The following PIKFYVE variants were observed in gnomAD, a reference collection of about 807,000 sequenced individuals.
PIKFYVE encodes phosphoinositide kinase, FYVE-type zinc finger containing, also known as 1-phosphatidylinositol 3-phosphate 5-kinase.
Under a neutral mutation model 257.9 loss-of-function variants are expected in PIKFYVE, and 122 were observed. That is an observed-to-expected ratio of 0.47 (90% CI 0.41 to 0.55). The LOEUF is 0.55. Among genes scored for constraint, PIKFYVE ranks in the 20% least tolerant of loss-of-function variants. The probability of loss-of-function intolerance (pLI) is 0.00; values close to 1 mark genes in which losing one functional copy is unlikely to be tolerated. For missense variants in PIKFYVE, 2,160 were observed against 2,536.6 expected (o/e 0.85, Z 3.19); for synonymous variants, 892 against 868.9 (o/e 1.03, Z -0.47).
At position 208,345,189 on chromosome 2, in the gene PIKFYVE, A is replaced by T. The variant is rs1195553651; in HGVS notation, c.5106A>T (p.Thr1702=). 1 of 1,604,644 alleles carries T rather than the reference A, an allele frequency of 6.2e-7. No homozygotes were observed. The highest frequency in any genetic ancestry group is 8.5e-7 in the Non-Finnish European group (1 of 1,171,576). ...QWNSAEEGLP[T]NSTSDSRPKS... is the part of the protein sequence containing the mutation. Reference sequence around the variant, plus strand: ...ACAGTGCCGAAGAAGGGCTTCCAACAAATAGGTGATTCATGATTGAGTAGA... The same window carrying T: ...ACAGTGCCGAAGAAGGGCTTCCAACTAATAGGTGATTCATGATTGAGTAGA... The change falls in exon 33 of 42, where the codon ACA becomes ACT. Residue 1702 remains threonine (T), a synonymous_variant. Transcript: ENST00000264380.
chr2:208,335,778 T>A lies in PIKFYVE; in HGVS notation c.4257-15T>A. 3.2e-6 allele frequency: 5 copies of A among 1,579,676 alleles called. No homozygotes were observed. Among genetic ancestry groups the A allele is most frequent in the Non-Finnish European group, 4.4e-6 (5 of 1,149,200 alleles). On this transcript the variant is annotated splice_polypyrimidine_tract_variant and intron_variant, in intron 25 of 41. Coordinates refer to ENST00000264380, the MANE Select transcript of PIKFYVE (RefSeq NM_015040.4). ...TCACCCTTTCTAAAGTGTTTAATGC[T>A]CTCGCTATTGTTAGAGTTTCACAGG...
At chr2:208,348,634 G>GTGTGTGTA (rs1483606740) in intron 35 of PIKFYVE, among the ~76,000 whole-genome samples, 1 of 150,938 alleles carries the variant, frequency 6.6e-6, no homozygotes, top group African/African-American at 2.4e-5. Context: ...GTGTGTGTGT[G>GTGTGTGTA]TGTATCTACC....
intron 24 of PIKFYVE, among the ~76,000 whole-genome samples, chr2:208,334,937 A>G (rs1199596938): frequency 6.6e-6 from 1 of 152,142 alleles, no homozygotes; most frequent in Non-Finnish European, 1.5e-5. Context: ...AAGGAAACCA[A>G]AGACTCATGA....
rs754127355 is a variant in PIKFYVE, at chr2:208,314,401, A to G, written c.1804A>G (p.Lys602Glu). 18 of 1,613,896 alleles carry G rather than the reference A, an allele frequency of 1.1e-5. No homozygotes were observed. Among genetic ancestry groups the G allele is most frequent in the Non-Finnish European group, 1.5e-5 (18 of 1,179,944 alleles). The change falls in exon 14 of 42, where the codon AAA becomes GAA. Residue 602 changes from lysine (K) to glutamate (E), a missense_variant. Physicochemically the swap from Lys to Glu is moderately conservative, Grantham distance 56. Transcript: ENST00000264380. ...GCTCCTGAGGGAGGAGAATGGGGAGAAACAAGCCATGGAGAGGTTGCTGTA... is the reference window on the plus strand; with the variant it reads ...GCTCCTGAGGGAGGAGAATGGGGAGGAACAAGCCATGGAGAGGTTGCTGTA... ...LELLREENGE[K>E]QAMERLLSAN...
intron 1 of PIKFYVE, among the ~76,000 whole-genome samples, chr2:208,266,749 C>T (rs887649017): frequency 3.9e-5 from 6 of 152,218 alleles, no homozygotes; most frequent in Non-Finnish European, 8.8e-5. Context: ...AGTTACTTTT[C>T]CCTCTGAGTG....
chr2:208,301,172 C>T, intron 9 of PIKFYVE, 78 bp downstream of exon 9: 1 of 1,554,248 alleles, frequency 6.4e-7, no homozygotes, highest in Middle Eastern at 1.7e-4. Context: ...GTAAGAGTTA[C>T]AGATTTCTTT....
rs780363851 is a variant in PIKFYVE at position 208,329,798 on chromosome 2, G to A, written c.3720-44G>A. 9 of 1,604,092 alleles carry A rather than the reference G, an allele frequency of 5.6e-6. No individual in the cohort carries two copies. The Admixed American group carries it at 1.5e-4, about 27-fold the overall frequency. On this transcript the variant is annotated intron_variant, in intron 21 of 41. Transcript: ENST00000264380. ...TTGTGGTCTCATGAAATGTCTCTGG[G>A]GCATGGTAATTCTTATGTTTCTAAG...
chr2:208,345,172 G>A lies in PIKFYVE; in HGVS notation c.5089G>A (p.Glu1697Lys), dbSNP rs1277607145. The A allele has an allele frequency of 3.1e-6, 5 of 1,611,724 alleles. No homozygotes were observed. Among genetic ancestry groups the A allele is most frequent in the African/African-American group, 1.3e-5 (1 of 74,852 alleles). Residue 1697 changes from glutamate to lysine, a missense_variant, in exon 33 of 42, where the codon GAA becomes AAA. Coordinates refer to ENST00000264380, the MANE Select transcript of PIKFYVE (RefSeq NM_015040.4). ...TAAAGCGACTCAGTGGAACAGTGCC[G>A]AAGAAGGGCTTCCAACAAATAGGTG... ...LSKATQWNSA[E>K]EGLPTNSTSD... is the part of the protein sequence containing the mutation.
At chr2:208,309,421 G>A (rs1427293679) in intron 12 of PIKFYVE, among the ~76,000 whole-genome samples, 2 of 152,128 alleles carry the variant, frequency 1.3e-5, no homozygotes, top group Non-Finnish European at 2.9e-5. Context: ...ATAGTGTGAT[G>A]TGCCAACCCC....
At chr2:208,282,988 G>A (rs1691031595) in intron 5 of PIKFYVE, among the ~76,000 whole-genome samples, 1 of 152,184 alleles carries the variant, frequency 6.6e-6, no homozygotes, top group Non-Finnish European at 1.5e-5. Flanking sequence ...TGATCTGACA[G>A]GAGGTGGAGC....
chr2:208,270,661 T>G (rs1313155169), intron 1 of PIKFYVE, among the ~76,000 whole-genome samples: 1 of 152,082 alleles, frequency 6.6e-6, no homozygotes, highest in African/African-American at 2.4e-5. Flanking sequence ...ATTGTTAAAG[T>G]TTTGTAGACA....
chr2:208,338,812 GA>G (rs1223271549), intron 29 of PIKFYVE, among the ~76,000 whole-genome samples: 1 of 152,094 alleles, frequency 6.6e-6, no homozygotes, highest in African/African-American at 2.4e-5. Context: ...AGAAAAAACA[GA>G]AAAAAGTAAA....
chr2:208,289,496 C>T (rs940404327), intron 7 of PIKFYVE, among the ~76,000 whole-genome samples: 1 of 152,012 alleles, frequency 6.6e-6, no homozygotes, highest in South Asian at 2.1e-4. Context: ...GTGGTGTGAT[C>T]TCAGCTCACT....
In PIKFYVE at chr2:208,320,258, T is replaced by A. The variant is rs1471158376; in HGVS notation, c.2089T>A (p.Ser697Thr). The A allele has an allele frequency of 1.2e-6, 2 of 1,610,918 alleles. No individual in the cohort carries two copies. The highest frequency in any genetic ancestry group is 1.1e-5 in the South Asian group (1 of 90,542). ...TKNIAHKKMS[S>T]CIKNPKILLL... ...AACTGTTCATTTTTTGTAGATGAGT[T>A]CTTGTATTAAAAACCCCAAAATTCT... The change falls in exon 17 of 42, where the codon TCT becomes ACT. Residue 697 changes from serine (S) to threonine (T), a missense_variant. Transcript: ENST00000264380.
chr2:208,341,884 A>G lies in PIKFYVE; in HGVS notation c.4932-670A>G, dbSNP rs142229604. On this transcript the variant is annotated intron_variant, in intron 31 of 41. Transcript: ENST00000264380. ...TTCCCTCATAGCACTTACCACAGAGATTATATTTATTTATTTATTGGATTA... is the reference window on the plus strand; with the variant it reads ...TTCCCTCATAGCACTTACCACAGAGGTTATATTTATTTATTTATTGGATTA... Among the ~76,000 whole-genome samples the G allele has an allele frequency of 4.6e-5, 7 of 152,060 alleles. No homozygotes were observed. In the East Asian group the frequency reaches 1.4e-3, roughly 29 times the overall value.
At chr2:208,313,096 A>G in intron 13 of PIKFYVE, among the ~76,000 whole-genome samples, 1 of 152,160 alleles carries the variant, frequency 6.6e-6, no homozygotes, top group East Asian at 1.9e-4. Flanking sequence ...TTACTGTGTA[A>G]TCTGCTGGGC....
chr2:208,314,853 G>A (rs1391753395), intron 14 of PIKFYVE, among the ~76,000 whole-genome samples: 1 of 151,792 alleles, frequency 6.6e-6, no homozygotes, highest in African/African-American at 2.4e-5. Flanking sequence ...CTGAGATCGC[G>A]CCACTGCACT....
chr2:208,272,621 C>T (rs1186729300), intron 2 of PIKFYVE, among the ~76,000 whole-genome samples: 9 of 152,074 alleles, frequency 5.9e-5, no homozygotes, highest in South Asian at 4.2e-4. Context: ...TTTTGTTTGT[C>T]TGTATTACTT....
At chr2:208,305,647 AAG>A (rs1400664191) in intron 12 of PIKFYVE, 16 of 305,616 alleles carry the variant, frequency 5.2e-5, no homozygotes, top group African/African-American at 6.8e-5. Flanking sequence ...TAAAAGGAGA[AAG>A]AGGTAAACAT....
Sources: gnomAD v4.1 joint callset for allele counts (sites outside exome capture counted in the v4.1 genomes callset) on GRCh38, gnomAD v4.1.1 for gene constraint, MANE v1.5 for transcripts, NCBI Gene and HGNC (gene_info 2026-07-23, HGNC 2026-07-21) for gene names.